The following COL26A1 variants were observed in gnomAD, a reference collection of about 807,000 sequenced individuals.
COL26A1 encodes the protein collagen type XXVI alpha 1 chain, also known as collagen alpha-1(XXVI) chain.
In COL26A1, 41 loss-of-function variants were observed where a neutral mutation model predicts 59.3. That is an observed-to-expected ratio of 0.69 (90% CI 0.54 to 0.90). The LOEUF is 0.90. COL26A1 is among the 40% of genes least tolerant of loss of function. COL26A1 has a pLI of 0.00. For missense variants in COL26A1, 612 were observed against 602.3 expected, an observed-to-expected ratio of 1.02 and a Z score of -0.17; for synonymous variants, 266 against 256.0, an observed-to-expected ratio of 1.04 and a Z score of -0.37.
At chr7:101,462,219 C>T (rs1336831972) in intron 3 of COL26A1, among the ~76,000 whole-genome samples, 1 of 152,056 alleles carries the variant, frequency 6.6e-6, no homozygotes, top group Non-Finnish European at 1.5e-5. Flanking sequence ...TGGCTGGTCT[C>T]ACACCCCTGA....
rs57268952 is a variant in COL26A1 at position 101,493,757 on chromosome 7, TAAA to T, written c.386-39301_386-39299del. On this transcript the variant is annotated intron_variant, in intron 3 of 12. Transcript: ENST00000313669. ...TAACACAGTGAAACCCCATCTCTAC[TAAA>T]AAAAAAAAAAAAAAAAAAAAAAATT... Among the ~76,000 whole-genome samples, 45 of 69,210 alleles carry T rather than the reference TAAA, an allele frequency of 6.5e-4. 1 individual carries two copies. The highest frequency in any genetic ancestry group is 5.4e-3 in the Admixed American group (30 of 5,588). The allele number at this position is 69,210 out of a possible 152,430, so 45.4% of individuals were successfully genotyped here. A position where few individuals can be genotyped will look rare whatever the true frequency, so the allele number is the denominator to read the frequency against.
chr7:101,539,025 G>C (rs118060842), intron 4 of COL26A1, among the ~76,000 whole-genome samples: 7,161 of 152,288 alleles, frequency 0.047, 266 homozygotes, highest in Admixed American at 0.077. Flanking sequence ...GACTCACGGG[G>C]CCTCTGAGTC....
intron 1 of COL26A1, among the ~76,000 whole-genome samples, chr7:101,382,912 T>G (rs1274754427): frequency 6.6e-6 from 1 of 152,114 alleles, no homozygotes; most frequent in Non-Finnish European, 1.5e-5. Flanking sequence ...CGTGGTGATG[T>G]ATGCCTGTAA....
chr7:101,546,250 A>T (rs896564909), intron 7 of COL26A1, among the ~76,000 whole-genome samples: 18 of 151,646 alleles, frequency 1.2e-4, no homozygotes, highest in African/African-American at 4.1e-4. Context: ...TTTTACTTTA[A>T]TTTTTTTTGA....
At chr7:101,451,355 T>C (rs972803271) in intron 3 of COL26A1, among the ~76,000 whole-genome samples, 24 of 146,986 alleles carry the variant, frequency 1.6e-4, no homozygotes, top group African/African-American at 5.9e-4. Flanking sequence ...AAACAATGTA[T>C]GTATTATATA....
chr7:101,547,724 T>C (rs184355216), intron 8 of COL26A1, among the ~76,000 whole-genome samples: 16 of 148,646 alleles, frequency 1.1e-4, no homozygotes, highest in Non-Finnish European at 2.2e-4. Context: ...TTCATTCATT[T>C]GTTTATTCAC....
chr7:101,554,191 G>A (rs575825708), intron 11 of COL26A1, among the ~76,000 whole-genome samples: 1 of 152,186 alleles, frequency 6.6e-6, no homozygotes, highest in African/African-American at 2.4e-5. Flanking sequence ...CGGCAGGGGG[G>A]GCCTTGAAAG....
chr7:101,369,950 C>T (rs1791145896), intron 1 of COL26A1, among the ~76,000 whole-genome samples: 1 of 152,086 alleles, frequency 6.6e-6, no homozygotes, highest in Admixed American at 6.6e-5. Flanking sequence ...GCAACTTCCG[C>T]CTCCCAGGTT....
chr7:101,540,651 G>A lies in COL26A1; in HGVS notation c.604+602G>A, dbSNP rs188219757. 7.8e-3 allele frequency among the ~76,000 whole-genome samples: 1,191 copies of A among 151,970 alleles called. 7 individuals carry two copies. Among genetic ancestry groups the A allele is most frequent in the Middle Eastern group, 0.017 (5 of 292 alleles). On this transcript the variant is annotated intron_variant, in intron 5 of 12. Coordinates refer to ENST00000313669, the MANE Select transcript of COL26A1 (RefSeq NM_001278563.3). ...GTGGATCATTTGAGGTCAGGAGTTCGAGACCAACCTGGGCAACATGGTAAA... is the reference window on the plus strand; with the variant it reads ...GTGGATCATTTGAGGTCAGGAGTTCAAGACCAACCTGGGCAACATGGTAAA...
intron 3 of COL26A1, among the ~76,000 whole-genome samples, chr7:101,448,617 T>G (rs1859640): frequency 4.0e-5 from 6 of 151,836 alleles, no homozygotes; most frequent in African/African-American, 1.5e-4. Flanking sequence ...TTCACCCTCC[T>G]GTGCAGTTGG....
At chr7:101,395,156 A>G (rs1791827349) in intron 1 of COL26A1, among the ~76,000 whole-genome samples, 1 of 151,944 alleles carries the variant, frequency 6.6e-6, no homozygotes. Context: ...TGCGGGCATG[A>G]GCCACCGCGC....
chr7:101,557,787 G>A lies in COL26A1; in HGVS notation c.*257G>A. 2.2e-6 allele frequency: 1 copy of A among 446,658 alleles called. No individual in the cohort carries two copies. The highest frequency in any genetic ancestry group is 3.7e-5 in the Admixed American group (1 of 26,834). The allele number at this position is 446,658 out of a possible 1,614,324, so 27.7% of individuals were successfully genotyped here. A position where few individuals can be genotyped will look rare whatever the true frequency, so the allele number is the denominator to read the frequency against. The stretch of plus-strand genomic sequence containing the variant: ...GCTGGAGACGGGGTCTGGGTGGGCT[G>A]GGTGCTGGGAATGAGAATAATCCTA... On this transcript the variant is annotated 3_prime_UTR_variant, in exon 13 of 13. Coordinates refer to ENST00000313669, the MANE Select transcript of COL26A1 (RefSeq NM_001278563.3).
At chr7:101,464,992 G>A (rs905743748) in intron 3 of COL26A1, among the ~76,000 whole-genome samples, 1 of 150,426 alleles carries the variant, frequency 6.6e-6, no homozygotes, top group Non-Finnish European at 1.5e-5. Context: ...TATTATAGGT[G>A]TAAGTCACCA....
At chr7:101,392,421 A>G (rs1338403224) in intron 1 of COL26A1, among the ~76,000 whole-genome samples, 2 of 89,618 alleles carry the variant, frequency 2.2e-5, no homozygotes, top group Non-Finnish European at 4.8e-5. Flanking sequence ...TTTTTTTTTA[A>G]GATGGAGTCT....
At chr7:101,444,998 G>C (rs889683797) in intron 2 of COL26A1, among the ~76,000 whole-genome samples, 7 of 151,168 alleles carry the variant, frequency 4.6e-5, no homozygotes, top group African/African-American at 1.7e-4. Context: ...CTGCCATCAT[G>C]CCTGGCTAAT....
rs1328693222 is a variant in COL26A1 at position 101,416,524 on chromosome 7, C to A, written c.159-3453C>A. ...TTTGTTCTTTTTTGATCATGCCTTCCAGAGCTACTACTATATAGATGTTGG... is the reference window on the plus strand; with the variant it reads ...TTTGTTCTTTTTTGATCATGCCTTCAAGAGCTACTACTATATAGATGTTGG... On this transcript the variant is annotated intron_variant, in intron 1 of 12. Coordinates refer to ENST00000313669, the MANE Select transcript of COL26A1 (RefSeq NM_001278563.3). Among the ~76,000 whole-genome samples, 2 of 143,448 alleles carry A rather than the reference C, an allele frequency of 1.4e-5. 1 individual carries two copies. The highest frequency in any genetic ancestry group is 3.2e-5 in the Non-Finnish European group (2 of 63,324). The allele number at this position is 143,448 out of a possible 152,430, so 94.1% of individuals were successfully genotyped here.
At chr7:101,494,160 G>A (rs1490431182) in intron 3 of COL26A1, among the ~76,000 whole-genome samples, 1 of 121,906 alleles carries the variant, frequency 8.2e-6, no homozygotes, top group Non-Finnish European at 1.9e-5. Flanking sequence ...TTGAGACAGA[G>A]TCTCTCTGTT....
chr7:101,510,484 C>G (rs913719854), intron 3 of COL26A1, among the ~76,000 whole-genome samples: 2 of 152,208 alleles, frequency 1.3e-5, no homozygotes, highest in Non-Finnish European at 2.9e-5. Context: ...TACCTGCCAG[C>G]CTTTTCCCTG....
intron 1 of COL26A1, among the ~76,000 whole-genome samples, chr7:101,366,689 T>G (rs1303935689): frequency 6.6e-6 from 1 of 151,402 alleles, no homozygotes; most frequent in Admixed American, 6.6e-5. Flanking sequence ...TTCATAGAGG[T>G]GGGGTCCTGC....
Sources: gnomAD v4.1 joint callset for allele counts (sites outside exome capture counted in the v4.1 genomes callset) on GRCh38, gnomAD v4.1.1 for gene constraint, MANE v1.5 for transcripts, NCBI Gene and HGNC (gene_info 2026-07-23, HGNC 2026-07-21) for gene names.